The following SHISA9 variants were observed in gnomAD, a reference collection of about 807,000 sequenced individuals.
The protein encoded by SHISA9 is protein shisa-9.
A neutral mutation model predicts 38.0 loss-of-function variants in SHISA9; 13 were observed. The ratio of observed to expected loss-of-function variants is 0.34; its 90% CI spans 0.22 to 0.54. The LOEUF is 0.54. Ranked by LOEUF, SHISA9 falls within the 20% of genes least tolerant of loss-of-function variation. The pLI, the probability that SHISA9 is intolerant of heterozygous loss-of-function variation, is 0.91. For missense variants in SHISA9, 538 were observed against 575.8 expected, an observed-to-expected ratio of 0.93 and a Z score of 0.67; for synonymous variants, 275 against 242.0, an observed-to-expected ratio of 1.14 and a Z score of -1.27.
chr16:13,323,746 G>T, the SHISA9 span, among the ~76,000 whole-genome samples: 1 of 152,176 alleles, frequency 6.6e-6, no homozygotes, highest in Non-Finnish European at 1.5e-5. Flanking sequence ...AAAACCATCA[G>T]ATCTTGTGAG....
At chr16:13,049,214 G>A (rs986000471) in intron 2 of SHISA9, among the ~76,000 whole-genome samples, 4 of 151,052 alleles carry the variant, frequency 2.6e-5, no homozygotes, top group African/African-American at 9.7e-5. Context: ...GTATGTGTAT[G>A]TGTCTGTGTG....
At chr16:13,039,929 G>A (rs936924800) in intron 2 of SHISA9, among the ~76,000 whole-genome samples, 13 of 152,106 alleles carry the variant, frequency 8.5e-5, no homozygotes, top group African/African-American at 2.7e-4. Context: ...CCACAGTGGT[G>A]GCTGGCATGC....
downstream of SHISA9, among the ~76,000 whole-genome samples, chr16:13,240,607 C>T (rs147970127): frequency 2.1e-4 from 32 of 152,282 alleles, no homozygotes; most frequent in African/African-American, 7.2e-4. Context: ...GTGTTTGAAG[C>T]GTTTTTGGTA....
intron 2 of SHISA9, among the ~76,000 whole-genome samples, chr16:13,173,582 A>G (rs577950580): frequency 6.6e-6 from 1 of 152,240 alleles, no homozygotes; most frequent in African/African-American, 2.4e-5. Context: ...ATTTGGGGAT[A>G]TTTAACAATG....
intron 2 of SHISA9, among the ~76,000 whole-genome samples, chr16:12,987,666 G>T (rs189746986): frequency 8.5e-5 from 13 of 152,106 alleles, no homozygotes; most frequent in Non-Finnish European, 1.8e-4. Context: ...GGGCTGATAG[G>T]TGCAGCTAAC....
At chr16:13,208,978 C>G (rs1053797691) in intron 3 of SHISA9, among the ~76,000 whole-genome samples, 8 of 152,154 alleles carry the variant, frequency 5.3e-5, no homozygotes, top group African/African-American at 1.9e-4. Context: ...ATAGCACAGC[C>G]TCTGGAATTT....
At chr16:13,453,684 C>G in the SHISA9 span, among the ~76,000 whole-genome samples, 5 of 152,202 alleles carry the variant, frequency 3.3e-5, no homozygotes, top group Non-Finnish European at 7.3e-5. Context: ...ACTAGTAAAA[C>G]ATAATAAATG....
intron 2 of SHISA9, among the ~76,000 whole-genome samples, chr16:13,152,562 T>C (rs1028958347): frequency 2.0e-5 from 3 of 152,156 alleles, no homozygotes; most frequent in Admixed American, 1.3e-4. Context: ...ACTGAAATGA[T>C]TGGATGTCAA....
At chr16:13,329,777 T>A in the SHISA9 span, among the ~76,000 whole-genome samples, 1 of 152,198 alleles carries the variant, frequency 6.6e-6, no homozygotes, top group Non-Finnish European at 1.5e-5. Flanking sequence ...TTGAGCTAAA[T>A]GATGGCTTAT....
chr16:13,553,237 A>G, the SHISA9 span, among the ~76,000 whole-genome samples: 2 of 152,186 alleles, frequency 1.3e-5, no homozygotes, highest in Non-Finnish European at 2.9e-5. Context: ...TCATTTCCCC[A>G]TTCTGTAAGT....
intron 2 of SHISA9, among the ~76,000 whole-genome samples, chr16:13,192,212 A>C (rs933762646): frequency 6.6e-6 from 1 of 152,110 alleles, no homozygotes; most frequent in African/African-American, 2.4e-5. Flanking sequence ...CACAGATACT[A>C]GGGACTGCAA....
chr16:13,464,589 G>A, the SHISA9 span, among the ~76,000 whole-genome samples: 4 of 152,150 alleles, frequency 2.6e-5, no homozygotes, highest in Non-Finnish European at 5.9e-5. Flanking sequence ...GGTTCAAGCT[G>A]AAATTGCCTC....
At chr16:13,025,283 C>T (rs909709055) in intron 2 of SHISA9, among the ~76,000 whole-genome samples, 6 of 152,176 alleles carry the variant, frequency 3.9e-5, no homozygotes, top group African/African-American at 1.4e-4. Flanking sequence ...ACGACATTAC[C>T]TGGAAACTTG....
chr16:13,096,178 G>A (rs1388918500), intron 2 of SHISA9, among the ~76,000 whole-genome samples: 1 of 152,136 alleles, frequency 6.6e-6, no homozygotes, highest in Non-Finnish European at 1.5e-5. Context: ...ATGATTAAGA[G>A]GATTAAATGA....
intron 2 of SHISA9, among the ~76,000 whole-genome samples, chr16:13,002,083 C>A (rs1055487107): frequency 7.2e-5 from 11 of 152,206 alleles, no homozygotes; most frequent in African/African-American, 2.7e-4. Flanking sequence ...TTTCATAAAA[C>A]TCCCTGGTGA....
At chr16:13,534,085 G>A in the SHISA9 span, among the ~76,000 whole-genome samples, 1 of 151,792 alleles carries the variant, frequency 6.6e-6, no homozygotes, top group Non-Finnish European at 1.5e-5. Context: ...GCCTGGCCTG[G>A]TAACTCATTT....
chr16:13,172,796 C>T (rs913645810), intron 2 of SHISA9, among the ~76,000 whole-genome samples: 7 of 147,358 alleles, frequency 4.8e-5, no homozygotes, highest in African/African-American at 1.3e-4. Flanking sequence ...TAGTGGGCCA[C>T]GAGAGAGGAG....
chr16:13,181,742 C>G (rs747135841), intron 2 of SHISA9, among the ~76,000 whole-genome samples: 19 of 151,494 alleles, frequency 1.3e-4, no homozygotes, highest in Non-Finnish European at 2.4e-4. Context: ...ATGCTGGTTT[C>G]ATCTAAAGAG....
chr16:12,977,290 G>C (rs12925905), intron 2 of SHISA9, among the ~76,000 whole-genome samples: 61,498 of 151,912 alleles, frequency 0.4, 12,778 homozygotes, highest in Non-Finnish European at 0.41. Context: ...GGGGGAAGAA[G>C]TGGTGATGGG....
Sources: gnomAD v4.1 joint callset for allele counts (sites outside exome capture counted in the v4.1 genomes callset) on GRCh38, gnomAD v4.1.1 for gene constraint, MANE v1.5 for transcripts, NCBI Gene and HGNC (gene_info 2026-07-23, HGNC 2026-07-21) for gene names.